The following STPG2 variants were observed in gnomAD, a reference collection of about 807,000 sequenced individuals.
The protein encoded by STPG2 is sperm tail PG-rich repeat containing 2.
In STPG2, 56 loss-of-function variants were observed where a neutral mutation model predicts 54.2. The ratio of observed to expected loss-of-function variants is 1.03; its 90% CI spans 0.83 to 1.29. The LOEUF (loss-of-function observed/expected upper bound fraction) is 1.29, where lower values mean the gene tolerates loss of function less well. Among genes scored for constraint, STPG2 ranks in the 50% most tolerant of loss-of-function variants. STPG2 has a pLI of 0.00. For missense variants in STPG2, 596 were observed against 544.9 expected, an observed-to-expected ratio of 1.09 and a Z score of -0.93; for synonymous variants, 200 against 181.8, an observed-to-expected ratio of 1.10 and a Z score of -0.81.
At chr4:98,118,066 GGTTT>G (rs1344027422) in intron 3 of STPG2, among the ~76,000 whole-genome samples, 1 of 151,940 alleles carries the variant, frequency 6.6e-6, no homozygotes, top group African/African-American at 2.4e-5. Flanking sequence ...CTACCCTGAG[GGTTT>G]GTTTAGTGAT....
chr4:97,539,679 T>C (rs934212801), intron 4 of STPG2, among the ~76,000 whole-genome samples: 1 of 152,196 alleles, frequency 6.6e-6, no homozygotes, highest in Non-Finnish European at 1.5e-5. Flanking sequence ...AACTCAGCTC[T>C]GCACCTAATA....
chr4:98,042,853 A>G (rs1400922278), intron 5 of STPG2, among the ~76,000 whole-genome samples: 1 of 151,686 alleles, frequency 6.6e-6, no homozygotes, highest in Non-Finnish European at 1.5e-5. Context: ...TTCTTTGTTG[A>G]TTTTCTGTGT....
chr4:97,983,701 G>A (rs559855411), intron 5 of STPG2, among the ~76,000 whole-genome samples: 64 of 152,118 alleles, frequency 4.2e-4, no homozygotes, highest in Non-Finnish European at 8.1e-4. Flanking sequence ...AGTAGGAATA[G>A]AATTAGAGAC....
At chr4:98,129,952 G>A (rs1352099343) in intron 2 of STPG2, among the ~76,000 whole-genome samples, 1 of 151,992 alleles carries the variant, frequency 6.6e-6, no homozygotes, top group South Asian at 2.1e-4. Context: ...CTGCCTCCTG[G>A]GTTCAAGCGA....
intron 9 of STPG2, among the ~76,000 whole-genome samples, chr4:97,758,189 T>G (rs946781149): frequency 2.0e-5 from 3 of 152,060 alleles, no homozygotes; most frequent in Non-Finnish European, 4.4e-5. Context: ...TATGTAAGAA[T>G]AGAAAGGCCC....
chr4:98,053,276 CA>C (rs1737381292), intron 5 of STPG2, among the ~76,000 whole-genome samples: 1 of 152,070 alleles, frequency 6.6e-6, no homozygotes, highest in Non-Finnish European at 1.5e-5. Context: ...AATAGTCTCC[CA>C]AAAATATAAT....
At chr4:97,627,115 C>T (rs2148929297) in intron 10 of STPG2, among the ~76,000 whole-genome samples, 1 of 152,186 alleles carries the variant, frequency 6.6e-6, no homozygotes, top group East Asian at 1.9e-4. Context: ...TTGTTAGTCA[C>T]AGTTTTTGTT....
intron 10 of STPG2, among the ~76,000 whole-genome samples, chr4:97,569,004 G>A (rs1189614349): frequency 6.6e-6 from 1 of 151,798 alleles, no homozygotes; most frequent in Non-Finnish European, 1.5e-5. Context: ...GAAAGACTTT[G>A]AGGCAAGTCC....
chr4:97,833,002 A>G (rs1489242739), intron 9 of STPG2, among the ~76,000 whole-genome samples: 3 of 152,164 alleles, frequency 2.0e-5, no homozygotes, highest in African/African-American at 7.2e-5. Context: ...CAGTATTGGA[A>G]AAAACTACTT....
intron 8 of STPG2, among the ~76,000 whole-genome samples, chr4:97,934,164 G>T (rs1455724357): frequency 1.3e-5 from 2 of 152,118 alleles, no homozygotes; most frequent in Non-Finnish European, 2.9e-5. Context: ...CTCTGTGCTT[G>T]TCTATTGTTG....
rs543858850 is a variant in STPG2 at position 97,696,429 on chromosome 4, T to C, written c.1320+16270A>G. Among the ~76,000 whole-genome samples the C allele has an allele frequency of 4.6e-5, 7 of 152,280 alleles. No individual in the cohort carries two copies. The South Asian group carries it at 6.2e-4, about 14-fold the overall frequency. ...CTGAAACCATACAAATTCCAGAAGA[T>C]AGCATTGGAAAAACCCTTTTAGACA... On this transcript the variant is annotated intron_variant, in intron 10 of 10. Coordinates refer to ENST00000295268, the MANE Select transcript of STPG2 (RefSeq NM_174952.3).
At chr4:97,810,999 A>T (rs1372309906) in intron 9 of STPG2, among the ~76,000 whole-genome samples, 3 of 152,128 alleles carry the variant, frequency 2.0e-5, no homozygotes, top group African/African-American at 7.2e-5. Context: ...TCTTTTGTTC[A>T]CTTCTTAAAA....
chr4:98,021,389 C>A (rs11933215), intron 5 of STPG2, among the ~76,000 whole-genome samples: 1 of 143,494 alleles, frequency 7.0e-6, no homozygotes. Flanking sequence ...AGAGACAGTT[C>A]GTTATAATTT....
At position 98,025,717 on chromosome 4, in the gene STPG2, T is replaced by C; in HGVS notation, c.613-44399A>G. On this transcript the variant is annotated intron_variant, in intron 5 of 10. Transcript: ENST00000295268. ...TCCTGCTGGCCTGCAGGCTACTCAA[T>C]AGGTTTGGCATGGACAAGATCTATG... 1.2e-5 allele frequency: 17 copies of C among 1,475,014 alleles called. No homozygotes were observed. The South Asian group carries it at 1.7e-4, about 15-fold the overall frequency. 91.4% of individuals were successfully genotyped at this position (1,475,014 alleles called of 1,614,324 possible). A position where few individuals can be genotyped will look rare whatever the true frequency, so the allele number is the denominator to read the frequency against.
chr4:98,137,910 A>G (rs1360369981), intron 1 of STPG2, among the ~76,000 whole-genome samples: 1 of 152,020 alleles, frequency 6.6e-6, no homozygotes, highest in Non-Finnish European at 1.5e-5. Context: ...ATAAAAGTAT[A>G]CGAGAAATAT....
chr4:97,656,482 C>A (rs891441055), intron 10 of STPG2, among the ~76,000 whole-genome samples: 8 of 151,818 alleles, frequency 5.3e-5, no homozygotes, highest in African/African-American at 1.9e-4. Flanking sequence ...AGGACAAATG[C>A]AATAGAGTCT....
chr4:97,737,897 G>A (rs1037301442), intron 9 of STPG2, among the ~76,000 whole-genome samples: 1 of 152,066 alleles, frequency 6.6e-6, no homozygotes, highest in Non-Finnish European at 1.5e-5. Context: ...GCAACTCCAA[G>A]ACACAAAATT....
At chr4:97,833,868 T>C (rs1006921121) in intron 9 of STPG2, among the ~76,000 whole-genome samples, 1 of 152,006 alleles carries the variant, frequency 6.6e-6, no homozygotes, top group African/African-American at 2.4e-5. Context: ...AACACAGATG[T>C]TGGAGAGGAT....
At chr4:97,653,641 A>G (rs1722136799) in intron 10 of STPG2, among the ~76,000 whole-genome samples, 2 of 152,172 alleles carry the variant, frequency 1.3e-5, no homozygotes, top group Middle Eastern at 3.2e-3. Context: ...AGGACAAACT[A>G]GAAAAATATC....
Sources: gnomAD v4.1 joint callset for allele counts (sites outside exome capture counted in the v4.1 genomes callset) on GRCh38, gnomAD v4.1.1 for gene constraint, MANE v1.5 for transcripts, NCBI Gene and HGNC (gene_info 2026-07-23, HGNC 2026-07-21) for gene names.